PPP1R9A: variants seen among roughly 807,000 people sequenced by gnomAD.
PPP1R9A encodes the protein neurabin-1.
Under a neutral mutation model 141.9 loss-of-function variants are expected in PPP1R9A, and 59 were observed. That is an observed-to-expected ratio of 0.42 (90% confidence interval 0.34 to 0.52). The LOEUF (loss-of-function observed/expected upper bound fraction) is 0.52. PPP1R9A is among the 20% of genes least tolerant of loss of function. The pLI, the probability that PPP1R9A is intolerant of heterozygous loss-of-function variation, is 0.10. For synonymous variants in PPP1R9A, 500 were observed against 569.7 expected (o/e 0.88, Z 1.74); for missense variants, 1,444 against 1,611.9 (o/e 0.90, Z 1.78).
chr7:95,134,455 G>A (rs1370547667), intron 4 of PPP1R9A, among the ~76,000 whole-genome samples: 2 of 152,214 alleles, frequency 1.3e-5, no homozygotes, highest in African/African-American at 2.4e-5. Flanking sequence ...TGCACATTCT[G>A]CACATGTATT....
intron 2 of PPP1R9A, among the ~76,000 whole-genome samples, chr7:94,984,812 T>C (rs1800595375): frequency 6.6e-6 from 1 of 152,072 alleles, no homozygotes; most frequent in Non-Finnish European, 1.5e-5. Flanking sequence ...TTTTGAAGGG[T>C]TTTTTGTGTC....
intron 5 of PPP1R9A, among the ~76,000 whole-genome samples, chr7:95,177,793 T>A (rs1833120135): frequency 6.6e-6 from 1 of 152,118 alleles, no homozygotes; most frequent in East Asian, 1.9e-4. Context: ...CATTATATAA[T>A]GGTAAAAGGC....
intron 5 of PPP1R9A, among the ~76,000 whole-genome samples, chr7:95,189,130 G>A (rs1417355887): frequency 6.6e-6 from 1 of 152,152 alleles, no homozygotes; most frequent in Non-Finnish European, 1.5e-5. Flanking sequence ...CTTTTGGCTT[G>A]TAGGGTTTCT....
rs149716075 is a variant in PPP1R9A, at chr7:95,106,457, G to A, written c.1396-4802G>A. On this transcript the variant is annotated intron_variant, in intron 2 of 19. Transcript: ENST00000433360. The stretch of plus-strand genomic sequence containing the variant: ...TCTGCAGCATGCTCTTCAGCTTAAC[G>A]ATGTATGTATCTTGGGGTCTTCCAT... Among the ~76,000 whole-genome samples, 322 of 152,206 alleles carry A rather than the reference G, an allele frequency of 2.1e-3. 3 individuals are homozygous for A. Among genetic ancestry groups the A allele is most frequent in the East Asian group, 0.019 (97 of 5,160 alleles).
intron 2 of PPP1R9A, among the ~76,000 whole-genome samples, chr7:94,971,444 A>G (rs1332416568): frequency 1.3e-5 from 2 of 152,254 alleles, no homozygotes; most frequent in Non-Finnish European, 2.9e-5. Flanking sequence ...CAGATTTCCT[A>G]GTTATTTTCT....
At chr7:95,273,728 G>A (rs1751227174) in intron 14 of PPP1R9A, among the ~76,000 whole-genome samples, 171 bp from the exon 15 acceptor site, 1 of 151,912 alleles carries the variant, frequency 6.6e-6, no homozygotes, top group African/African-American at 2.4e-5. Flanking sequence ...CTGCTTAACT[G>A]CGAGTTCCTC....
intron 2 of PPP1R9A, among the ~76,000 whole-genome samples, chr7:95,039,263 A>G (rs1808871087): frequency 6.6e-6 from 1 of 152,172 alleles, no homozygotes; most frequent in African/African-American, 2.4e-5. Flanking sequence ...ATGGAGTCGA[A>G]AACTCGAATA....
intron 2 of PPP1R9A, among the ~76,000 whole-genome samples, chr7:95,008,972 TA>T (rs1804020226): frequency 6.6e-6 from 1 of 152,076 alleles, no homozygotes; most frequent in South Asian, 2.1e-4. Context: ...TATGCAGCCG[TA>T]AAAAAGGTTG....
chr7:95,188,999 T>A (rs1296040659), intron 5 of PPP1R9A, among the ~76,000 whole-genome samples: 1 of 152,190 alleles, frequency 6.6e-6, no homozygotes, highest in African/African-American at 2.4e-5. Context: ...ATGAATTCTC[T>A]CAGCATTTAT....
chr7:95,114,010 A>G (rs982772992), intron 3 of PPP1R9A, among the ~76,000 whole-genome samples: 2 of 152,200 alleles, frequency 1.3e-5, no homozygotes, highest in African/African-American at 2.4e-5. Flanking sequence ...CATTTTTCAT[A>G]CATTTTAAAA....
At chr7:94,966,455 G>A (rs1173406355) in intron 2 of PPP1R9A, among the ~76,000 whole-genome samples, 1 of 152,138 alleles carries the variant, frequency 6.6e-6, no homozygotes, top group Non-Finnish European at 1.5e-5. Flanking sequence ...CTGTGGGTTT[G>A]TCATAAAAAA....
chr7:95,005,679 A>G (rs1290676821), intron 2 of PPP1R9A, among the ~76,000 whole-genome samples: 1 of 152,192 alleles, frequency 6.6e-6, no homozygotes, highest in African/African-American at 2.4e-5. Flanking sequence ...ATATACTAGC[A>G]TCTGGTTATG....
chr7:95,095,630 C>G (rs1034910804), intron 2 of PPP1R9A, among the ~76,000 whole-genome samples: 1 of 152,150 alleles, frequency 6.6e-6, no homozygotes, highest in African/African-American at 2.4e-5. Context: ...TTACATATGA[C>G]TGCAGTTCCT....
intron 2 of PPP1R9A, among the ~76,000 whole-genome samples, chr7:95,023,989 T>G (rs1806417630): frequency 6.6e-6 from 1 of 152,204 alleles, no homozygotes; most frequent in African/African-American, 2.4e-5. Context: ...ATGTTGTGTC[T>G]TTGTTTTCAT....
At chr7:95,124,358 T>A (rs1823174857) in intron 4 of PPP1R9A, among the ~76,000 whole-genome samples, 1 of 152,148 alleles carries the variant, frequency 6.6e-6, no homozygotes, top group South Asian at 2.1e-4. Flanking sequence ...ATTCTATTTC[T>A]TCTTTTCTCT....
At chr7:94,991,640 CTT>C (rs1801527362) in intron 2 of PPP1R9A, among the ~76,000 whole-genome samples, 1 of 151,812 alleles carries the variant, frequency 6.6e-6, no homozygotes, top group Non-Finnish European at 1.5e-5. Flanking sequence ...TTTCACCACT[CTT>C]TATATTTTTT....
intron 16 of PPP1R9A, among the ~76,000 whole-genome samples, chr7:95,279,492 G>A (rs769805765): frequency 5.9e-5 from 9 of 152,106 alleles, no homozygotes; most frequent in African/African-American, 9.7e-5. Context: ...CCCCATAACT[G>A]TCTAGCCCAT....
Position 95,019,512 on chromosome 7 carries a change from A to G in PPP1R9A, c.1396-91747A>G, listed in dbSNP as rs114934847. ...CATTTCCAAAACATATATCAGACAA[A>G]GGACTTGTGTCCAGAATATATAAAG... On this transcript the variant is annotated intron_variant, in intron 2 of 19. Transcript: ENST00000433360. 3.6e-3 allele frequency among the ~76,000 whole-genome samples: 542 copies of G among 152,346 alleles called. 5 individuals carry two copies. Among genetic ancestry groups the G allele is most frequent in the African/African-American group, 0.012 (516 of 41,592 alleles).
chr7:94,984,670 T>C (rs1422586150), intron 2 of PPP1R9A, among the ~76,000 whole-genome samples: 1 of 152,176 alleles, frequency 6.6e-6, no homozygotes, highest in Non-Finnish European at 1.5e-5. Context: ...TTGAGATCGG[T>C]GGTGATATCC....
Sources: gnomAD v4.1 joint callset for allele counts (sites outside exome capture counted in the v4.1 genomes callset) on GRCh38, gnomAD v4.1.1 for gene constraint, MANE v1.5 for transcripts, NCBI Gene and HGNC (gene_info 2026-07-23, HGNC 2026-07-21) for gene names.